Variants in ARC observed in about 807,000 individuals in gnomAD.
ARC encodes activity regulated cytoskeleton associated protein.
In ARC, 10 loss-of-function variants were observed where a neutral mutation model predicts 20.0. The ratio of observed to expected loss-of-function variants is 0.50; its 90% CI spans 0.31 to 0.85. The LOEUF (loss-of-function observed/expected upper bound fraction) is 0.85, where lower values mean the gene tolerates loss of function less well. ARC is among the 40% of genes least tolerant of loss of function. The pLI is 0.05. For synonymous variants in ARC, 269 were observed against 254.1 expected (o/e 1.06, Z -0.56); for missense variants, 454 against 555.5 (o/e 0.82, Z 1.84).
At position 142,614,300 on chromosome 8, in the gene ARC, A is replaced by G; in HGVS notation, c.-29T>C. 1 of 1,380,650 alleles carries G rather than the reference A, an allele frequency of 7.2e-7. No individual in the cohort carries two copies. The allele number at this position is 1,380,650 out of a possible 1,614,324, so 85.5% of individuals were successfully genotyped here. Reference sequence around the variant, plus strand: ...TGCGCAGGTGCTCCGGCAGGCGGCAAACTCCTCGGGGCGGACAGAGGGTGG... The same window carrying G: ...TGCGCAGGTGCTCCGGCAGGCGGCAGACTCCTCGGGGCGGACAGAGGGTGG... On this transcript the variant is annotated 5_prime_UTR_variant, in exon 1 of 3. Transcript: ENST00000356613.
In ARC at chr8:142,612,873, T is replaced by C; in HGVS notation, c.*208A>G. On this transcript the variant is annotated 3_prime_UTR_variant, in exon 1 of 3. Transcript: ENST00000356613. ...AGACAGACGGAGGGAGGGTGATGGGTGGAGCCCTGCAGGGGGGAGGGCTCT... is the reference window on the plus strand; with the variant it reads ...AGACAGACGGAGGGAGGGTGATGGGCGGAGCCCTGCAGGGGGGAGGGCTCT... 1 of 536,758 alleles carries C rather than the reference T, an allele frequency of 1.9e-6. No homozygotes were observed. Among genetic ancestry groups the C allele is most frequent in the Non-Finnish European group, 3.3e-6 (1 of 302,840 alleles). 33.2% of individuals were successfully genotyped at this position (536,758 alleles called of 1,614,324 possible). A position where few individuals can be genotyped will look rare whatever the true frequency, so the allele number is the denominator to read the frequency against.
Position 142,613,768 on chromosome 8 carries a change from G to C in ARC, c.504C>G (p.Thr168=). The C allele has an allele frequency of 6.4e-7, 1 of 1,551,644 alleles. No individual in the cohort carries two copies. Among genetic ancestry groups the C allele is most frequent in the Non-Finnish European group, 8.7e-7 (1 of 1,155,406 alleles). ...GCGGGGTGATGGCGTAGGGGCTGAC[G>C]GTGTAGTCGTAGCCGTCTGCCTCGT... ...YCHEADGYDY[T]VSPYAITPPP... is the part of the protein sequence containing the mutation. The change falls in exon 1 of 3, where the codon ACC becomes ACG. Residue 168 remains threonine (T), a synonymous_variant. Transcript: ENST00000356613.
In ARC at chr8:142,613,738, T is replaced by G; in HGVS notation, c.534A>C (p.Pro178=). 6.4e-7 allele frequency: 1 copy of G among 1,550,412 alleles called. No homozygotes were observed. The highest frequency in any genetic ancestry group is 8.7e-7 in the Non-Finnish European group (1 of 1,152,118). The change falls in exon 1 of 3, where the codon CCA becomes CCC. Residue 178 remains proline, a synonymous_variant. Coordinates refer to ENST00000356613, the MANE Select transcript of ARC (RefSeq NM_015193.5). ...CCTGCCCGGGCAGCTCGCCAGCGGC[T>G]GGGGGCGGGGTGATGGCGTAGGGGC... The part of the protein sequence containing the change: ...TVSPYAITPP[P]AAGELPGQEP...
rs1203872774 is a variant in ARC, at chr8:142,613,296, C to G, written c.976G>C (p.Val326Leu). The change falls in exon 1 of 3, where the codon GTG (valine) becomes CTG (leucine). Residue 326 changes from valine (V) to leucine (L), a missense_variant. Around this residue, in one of 3 missense-constraint regions of ARC, gnomAD observed 117 missense variants for 194.4 expected, o/e 0.60. Coordinates refer to ENST00000356613, the MANE Select transcript of ARC (RefSeq NM_015193.5). ...TTGAGCTTGGGCTGCAGGGTGCCCA[C>G]CACGTACTGGATGATCTCCTCCTCG... Reference protein sequence around the residue: ...ADEEEIIQYVVGTLQPKLKRF... With the variant: ...ADEEEIIQYVLGTLQPKLKRF... 1 of 1,613,570 alleles carries G rather than the reference C, an allele frequency of 6.2e-7. No homozygotes were observed. The highest frequency in any genetic ancestry group is 2.2e-5 in the East Asian group (1 of 44,878).
chr8:142,613,930 G>A lies in ARC; in HGVS notation c.342C>T (p.His114=), dbSNP rs1366080325. ...GGCGGTAGAACACCTCGCGCCACAC[G>A]TGCATCTCGCGCTTGACCCAGCGCT... ...NLERWVKREM[H]VWREVFYRLE... The change falls in exon 1 of 3, where the codon CAC becomes CAT. Residue 114 remains histidine, a synonymous_variant. Transcript: ENST00000356613. 1.2e-6 allele frequency: 2 copies of A among 1,602,608 alleles called. No individual in the cohort carries two copies. The highest frequency in any genetic ancestry group is 1.3e-5 in the African/African-American group (1 of 74,772).
At position 142,613,663 on chromosome 8, in the gene ARC, C is replaced by T; in HGVS notation, c.609G>A (p.Gly203=). 1 of 1,567,642 alleles carries T rather than the reference C, an allele frequency of 6.4e-7. No individual in the cohort carries two copies. The highest frequency in any genetic ancestry group is 8.6e-7 in the Non-Finnish European group (1 of 1,158,288). Reference sequence around the variant, plus strand: ...GCGTGTCCACGCCGGGGCTGGGCTGCCCGTCCTCGCCGGGGACCCACGGCT... The same window carrying T: ...GCGTGTCCACGCCGGGGCTGGGCTGTCCGTCCTCGCCGGGGACCCACGGCT... ...QYQPWVPGED[G]QPSPGVDTQI... The change falls in exon 1 of 3, where the codon GGG becomes GGA. Residue 203 remains glycine, a synonymous_variant. Coordinates refer to ENST00000356613, the MANE Select transcript of ARC (RefSeq NM_015193.5).
Position 142,613,240 on chromosome 8 carries a change from G to C in ARC, c.1032C>G (p.Thr344=), listed in dbSNP as rs1846272918. The change falls in exon 1 of 3, where the codon ACC becomes ACG. Residue 344 remains threonine, a synonymous_variant. Coordinates refer to ENST00000356613, the MANE Select transcript of ARC (RefSeq NM_015193.5). ...KRFLRHPLPK[T]LEQLIQRGME... ...TGCCCCTCTGGATGAGCTGCTCCAG[G>C]GTCTTGGGCAGGGGGTGGCGCAGGA... 2.5e-6 allele frequency: 4 copies of C among 1,613,280 alleles called. No homozygotes were observed. The highest frequency in any genetic ancestry group is 1.3e-5 in the African/African-American group (1 of 74,930).
chr8:142,614,470 C>G lies in ARC; in HGVS notation c.-199G>C, dbSNP rs949690745. On this transcript the variant is annotated 5_prime_UTR_variant, in exon 1 of 3. Coordinates refer to ENST00000356613, the MANE Select transcript of ARC (RefSeq NM_015193.5). The stretch of plus-strand genomic sequence containing the variant: ...TGCTGCGGAGGGAGGACGCCGCGCC[C>G]GAGCTCTGCGCTGAGTCCTGGCCGC... 17 of 393,126 alleles carry G rather than the reference C, an allele frequency of 4.3e-5. No individual in the cohort carries two copies. The highest frequency in any genetic ancestry group is 5.7e-5 in the Non-Finnish European group (13 of 229,376). The allele number at this position is 393,126 out of a possible 1,614,324, so 24.4% of individuals were successfully genotyped here. A position where few individuals can be genotyped will look rare whatever the true frequency, so the allele number is the denominator to read the frequency against.
chr8:142,613,112 G>T lies in ARC; in HGVS notation c.1160C>A (p.Ser387Tyr). 1 of 1,565,632 alleles carries T rather than the reference G, an allele frequency of 6.4e-7. No homozygotes were observed. The change falls in exon 1 of 3, where the codon TCC (serine) becomes TAC (tyrosine). Residue 387 changes from serine (S) to tyrosine (Y), a missense_variant. This residue lies in a region of ARC where 72 missense variants were observed against 59.4 expected (regional missense o/e 1.21). Transcript: ENST00000356613. ...GGGCTGGGTCCGGTCACTGGCCACG[G>T]ACTCGCTGTTGGGGGCGGGCGTGAG... ...ETLTPAPNSE[S>Y]VASDRTQPE
chr8:142,614,418 C>T lies in ARC; in HGVS notation c.-147G>A. The T allele has an allele frequency of 1.5e-6, 1 of 648,446 alleles. No homozygotes were observed. Among genetic ancestry groups the T allele is most frequent in the Non-Finnish European group, 2.2e-6 (1 of 458,108 alleles). 40.2% of individuals were successfully genotyped at this position (648,446 alleles called of 1,614,324 possible). ...GGCCGGCGGCGGGGCCGGCGGAGCACGCCCGGGGAGGCAGGTCCGGCTCGG... is the reference window on the plus strand; with the variant it reads ...GGCCGGCGGCGGGGCCGGCGGAGCATGCCCGGGGAGGCAGGTCCGGCTCGG... On this transcript the variant is annotated 5_prime_UTR_variant, in exon 1 of 3. In the 5' UTR this introduces an upstream ATG that the reference lacks. Coordinates refer to ENST00000356613, the MANE Select transcript of ARC (RefSeq NM_015193.5).
At position 142,613,873 on chromosome 8, in the gene ARC, C is replaced by A; in HGVS notation, c.399G>T (p.Thr133=). 6.4e-7 allele frequency: 1 copy of A among 1,560,732 alleles called. No homozygotes were observed. Among genetic ancestry groups the A allele is most frequent in the East Asian group, 2.4e-5 (1 of 42,150 alleles). ...LERWADRLES[T]GGKYPVGSES... ...CGCTGCCCACCGGGTACTTGCCGCC[C>A]GTGGACTCCAGGCGGTCGGCCCAGC... Residue 133 remains threonine (T), a synonymous_variant, in exon 1 of 3, where the codon ACG becomes ACT. Coordinates refer to ENST00000356613, the MANE Select transcript of ARC (RefSeq NM_015193.5).
rs587765767 is a variant in ARC, at chr8:142,614,436, C to A, written c.-165G>T. On this transcript the variant is annotated 5_prime_UTR_variant, in exon 1 of 3. Transcript: ENST00000356613. The stretch of plus-strand genomic sequence containing the variant: ...CGGAGCACGCCCGGGGAGGCAGGTC[C>A]GGCTCGGCTGCTGCGGAGGGAGGAC... The A allele has an allele frequency of 2.1e-4, 108 of 519,354 alleles. 1 individual carries two copies. The East Asian group carries it at 3.8e-3, about 18-fold the overall frequency. The allele number at this position is 519,354 out of a possible 1,614,324, so 32.2% of individuals were successfully genotyped here. A position where few individuals can be genotyped will look rare whatever the true frequency, so the allele number is the denominator to read the frequency against.
Position 142,613,201 on chromosome 8 carries a change from A to T in ARC, c.1071T>A (p.Asp357Glu). Residue 357 changes from aspartate to glutamate, a missense_variant, in exon 1 of 3, where the codon GAT (aspartate) becomes GAA (glutamate). Around this residue, in one of 3 missense-constraint regions of ARC, gnomAD observed 72 missense variants for 59.4 expected, o/e 1.21. Transcript: ENST00000356613. ...CCGGCTCGGCCGCCTGCTCCAGGTC[A>T]TCCTGCACCTCCATGCCCCTCTGGA... is the stretch of plus-strand genomic sequence containing the variant. ...QLIQRGMEVQ[D>E]DLEQAAEPAG... The T allele has an allele frequency of 6.2e-7, 1 of 1,612,392 alleles. No individual in the cohort carries two copies. Among genetic ancestry groups the T allele is most frequent in the Non-Finnish European group, 8.5e-7 (1 of 1,179,676 alleles).
In ARC at chr8:142,613,591, G is replaced by A. The variant is rs1466332175; in HGVS notation, c.681C>T (p.Tyr227=). 2.5e-6 allele frequency: 4 copies of A among 1,594,338 alleles called. No homozygotes were observed. The highest frequency in any genetic ancestry group is 3.4e-6 in the Non-Finnish European group (4 of 1,166,838). Reference sequence around the variant, plus strand: ...CCTCAGAGCCGCCCACCTGCCGCAAGTACTCCTCTAGGTGGCTCAGGAACT... The same window carrying A: ...CCTCAGAGCCGCCCACCTGCCGCAAATACTCCTCTAGGTGGCTCAGGAACT... ...PREFLSHLEE[Y]LRQVGGSEEY... Residue 227 remains tyrosine, a synonymous_variant, in exon 1 of 3, where the codon TAC becomes TAT. Coordinates refer to ENST00000356613, the MANE Select transcript of ARC (RefSeq NM_015193.5).
chr8:142,613,411 C>T lies in ARC; in HGVS notation c.861G>A (p.Glu287=). The part of the protein sequence containing the change: ...GTLSREAIQR[E]LDLPQKQGEP... ...CGCCCTGCTTCTGCGGCAGGTCCAG[C>T]TCGCGCTGGATGGCCTCTCGGGACA... The change falls in exon 1 of 3, where the codon GAG becomes GAA. Residue 287 remains glutamate, a synonymous_variant. Transcript: ENST00000356613. 2 of 1,611,834 alleles carry T rather than the reference C, an allele frequency of 1.2e-6. No homozygotes were observed. The highest frequency in any genetic ancestry group is 1.1e-5 in the South Asian group (1 of 91,068).
chr8:142,614,331 C>A lies in ARC; in HGVS notation c.-60G>T. The A allele has an allele frequency of 7.7e-7, 1 of 1,291,384 alleles. No homozygotes were observed. Among genetic ancestry groups the A allele is most frequent in the South Asian group, 2.3e-5 (1 of 42,876 alleles). The allele number at this position is 1,291,384 out of a possible 1,614,324, so 80.0% of individuals were successfully genotyped here. A position where few individuals can be genotyped will look rare whatever the true frequency, so the allele number is the denominator to read the frequency against. Reference sequence around the variant, plus strand: ...TCGGGGCGGACAGAGGGTGGTCCGGCGCTGGGGTCCGGCGGCCTGGGTCCC... The same window carrying A: ...TCGGGGCGGACAGAGGGTGGTCCGGAGCTGGGGTCCGGCGGCCTGGGTCCC... On this transcript the variant is annotated 5_prime_UTR_variant, in exon 1 of 3. Transcript: ENST00000356613.
In ARC at chr8:142,613,184, G is replaced by A. The variant is rs1396235029; in HGVS notation, c.1088C>T (p.Ala363Val). The A allele has an allele frequency of 1.2e-6, 2 of 1,609,928 alleles. No homozygotes were observed. Among genetic ancestry groups the A allele is most frequent in the East Asian group, 4.5e-5 (2 of 44,748 alleles). The change falls in exon 1 of 3, where the codon GCC becomes GTC. Residue 363 changes from alanine (A) to valine (V), a missense_variant. Transcript: ENST00000356613. ...MEVQDDLEQA[A>V]EPAGPHLPVE... ...CGGGAGGTGGGGGCCGGCCGGCTCGGCCGCCTGCTCCAGGTCATCCTGCAC... is the reference window on the plus strand; with the variant it reads ...CGGGAGGTGGGGGCCGGCCGGCTCGACCGCCTGCTCCAGGTCATCCTGCAC...
rs764455410 is a variant in ARC, at chr8:142,614,173, C to T, written c.99G>A (p.Lys33=). Reference sequence around the variant, plus strand: ...CGTGCTCCAGCATCTCGGCCCGGCACTTCCCGATCTGCAGGATCACGTTGG... The same window carrying T: ...CGTGCTCCAGCATCTCGGCCCGGCATTTCCCGATCTGCAGGATCACGTTGG... ...AKPNVILQIG[K]CRAEMLEHVR... Residue 33 remains lysine (K), a synonymous_variant, in exon 1 of 3, where the codon AAG becomes AAA. Coordinates refer to ENST00000356613, the MANE Select transcript of ARC (RefSeq NM_015193.5). 6.4e-7 allele frequency: 1 copy of T among 1,573,184 alleles called. No individual in the cohort carries two copies. Among genetic ancestry groups the T allele is most frequent in the East Asian group, 2.3e-5 (1 of 44,108 alleles).
Position 142,613,923 on chromosome 8 carries a change from G to T in ARC, c.349C>A (p.Arg117Ser). The T allele has an allele frequency of 6.2e-7, 1 of 1,600,008 alleles. No homozygotes were observed. The change falls in exon 1 of 3, where the codon CGC becomes AGC. Residue 117 changes from arginine to serine, a missense_variant. Physicochemically the swap from Arg to Ser is moderately radical, Grantham distance 110 (BLOSUM62 -1). Transcript: ENST00000356613. ...CGCTCCAGGCGGTAGAACACCTCGC[G>T]CCACACGTGCATCTCGCGCTTGACC... ...RWVKREMHVW[R>S]EVFYRLERWA... is the part of the protein sequence containing the mutation.
Sources: allele counts gnomAD v4.1 joint callset, GRCh38; gene constraint gnomAD v4.1.1; regional missense constraint gnomAD v4.1.1; transcripts MANE v1.5; gene names NCBI Gene and HGNC (gene_info 2026-07-23, HGNC 2026-07-21).